Variants in TMEM108 observed in about 807,000 individuals in gnomAD.
TMEM108 encodes the protein transmembrane protein 108, also known as cancer/testis antigen 124.
A neutral mutation model predicts 35.1 loss-of-function variants in TMEM108; 12 were observed. That is an observed-to-expected ratio of 0.34 (90% CI 0.22 to 0.55). The LOEUF is 0.55. Ranked by LOEUF, TMEM108 falls within the 20% of genes least tolerant of loss-of-function variation. The pLI, the probability that TMEM108 is intolerant of heterozygous loss-of-function variation, is 0.89. For missense variants in TMEM108, 680 were observed against 753.3 expected (o/e 0.90, Z 1.14); for synonymous variants, 287 against 308.6 (o/e 0.93, Z 0.73).
intron 3 of TMEM108, among the ~76,000 whole-genome samples, chr3:133,324,981 AAAGAAG>A (rs766788689): frequency 2.0e-5 from 3 of 152,036 alleles, no homozygotes; most frequent in East Asian, 1.9e-4. Context: ...ATCTCAGAAA[AAAGAAG>A]AAGAAGAAGA....
At chr3:133,327,433 A>G (rs1008107171) in intron 3 of TMEM108, among the ~76,000 whole-genome samples, 37 of 152,168 alleles carry the variant, frequency 2.4e-4, no homozygotes, top group African/African-American at 8.7e-4. Flanking sequence ...ACTTTTCCCC[A>G]GGCTGCCCTC....
intron 5 of TMEM108, among the ~76,000 whole-genome samples, chr3:133,394,634 C>T (rs374711466): frequency 6.6e-6 from 1 of 152,218 alleles, no homozygotes; most frequent in African/African-American, 2.4e-5. Context: ...AACCCAAAAG[C>T]ATGGTGGAGG....
chr3:133,127,395 A>G (rs1478629147), intron 2 of TMEM108, among the ~76,000 whole-genome samples: 2 of 152,202 alleles, frequency 1.3e-5, no homozygotes, highest in Non-Finnish European at 2.9e-5. Flanking sequence ...CTTCACTTCC[A>G]CATGTCTCAG....
intron 2 of TMEM108, among the ~76,000 whole-genome samples, chr3:133,135,101 A>G (rs1944545898): frequency 1.3e-5 from 2 of 150,824 alleles, no homozygotes; most frequent in Middle Eastern, 3.5e-3. Flanking sequence ...CCATCTGTTT[A>G]TCAATATCTT....
chr3:133,054,362 A>T (rs531606054), intron 2 of TMEM108, among the ~76,000 whole-genome samples: 1 of 152,156 alleles, frequency 6.6e-6, no homozygotes, highest in Non-Finnish European at 1.5e-5. Flanking sequence ...TCCCATACAG[A>T]TATCTTATTT....
intron 2 of TMEM108, among the ~76,000 whole-genome samples, chr3:133,195,197 G>A (rs778268319): frequency 4.6e-5 from 7 of 152,040 alleles, no homozygotes; most frequent in Non-Finnish European, 1.0e-4. Flanking sequence ...CACATGTATT[G>A]TCTAATGTAA....
intron 2 of TMEM108, among the ~76,000 whole-genome samples, chr3:133,143,128 A>G (rs1944663956): frequency 6.6e-6 from 1 of 152,216 alleles, no homozygotes; most frequent in Non-Finnish European, 1.5e-5. Context: ...TTACTGGTTC[A>G]TACCCAGAGC....
At chr3:133,303,763 A>G (rs1341957817) in intron 3 of TMEM108, among the ~76,000 whole-genome samples, 1 of 152,228 alleles carries the variant, frequency 6.6e-6, no homozygotes, top group Non-Finnish European at 1.5e-5. Flanking sequence ...TATCATAACA[A>G]GATATCAAAT....
chr3:133,122,648 G>C (rs1029635337), intron 2 of TMEM108, among the ~76,000 whole-genome samples: 1 of 152,108 alleles, frequency 6.6e-6, no homozygotes, highest in East Asian at 1.9e-4. Flanking sequence ...GACGGATCGA[G>C]GTCAGGAGAT....
chr3:133,296,127 A>G (rs1174276134), intron 3 of TMEM108, among the ~76,000 whole-genome samples: 1 of 152,220 alleles, frequency 6.6e-6, no homozygotes, highest in African/African-American at 2.4e-5. Flanking sequence ...GTCTAGTTCA[A>G]ACATTAGGAA....
chr3:133,350,892 AACCAGAGCCAC>A (rs1425192623), intron 3 of TMEM108, among the ~76,000 whole-genome samples: 1 of 152,172 alleles, frequency 6.6e-6, no homozygotes, highest in Non-Finnish European at 1.5e-5. Flanking sequence ...AAGTATCAGT[AACCAGAGCCAC>A]ACCCTCCAGG....
At chr3:133,086,320 A>G (rs974106651) in intron 2 of TMEM108, among the ~76,000 whole-genome samples, 2 of 151,478 alleles carry the variant, frequency 1.3e-5, no homozygotes, top group Non-Finnish European at 2.9e-5. Context: ...TTCTTTTGCC[A>G]TCTGTAAAGT....
At chr3:133,160,467 C>A (rs1369412331) in intron 2 of TMEM108, among the ~76,000 whole-genome samples, 1 of 152,164 alleles carries the variant, frequency 6.6e-6, no homozygotes, top group Non-Finnish European at 1.5e-5. Flanking sequence ...ATCACTGAGT[C>A]CTAGGACTCA....
Position 133,077,243 on chromosome 3 carries a change from A to G in TMEM108, c.-47+31223A>G, listed in dbSNP as rs1943753237. Among the ~76,000 whole-genome samples, 7 of 151,712 alleles carry G rather than the reference A, an allele frequency of 4.6e-5. No individual in the cohort carries two copies. The South Asian group carries it at 1.3e-3, about 27-fold the overall frequency. ...ATAAATTGTTGCAAACAATACTCCT[A>G]AAGTCTTGGGCTTTATTTTTGCAGA... On this transcript the variant is annotated intron_variant, in intron 2 of 5. Coordinates refer to ENST00000321871, the MANE Select transcript of TMEM108 (RefSeq NM_023943.4).
rs1427602554 is a variant in TMEM108 at position 133,046,505 on chromosome 3, G to T, written c.-47+485G>T. On this transcript the variant is annotated intron_variant, in intron 2 of 5. Coordinates refer to ENST00000321871, the MANE Select transcript of TMEM108 (RefSeq NM_023943.4). ...TCAAAGTGTTGAAAATTCCAGATTT[G>T]GTGTATAATAGCACTAGCAAAGTAC... 3.3e-5 allele frequency among the ~76,000 whole-genome samples: 5 copies of T among 152,258 alleles called. No individual in the cohort carries two copies. The East Asian group carries it at 9.6e-4, about 29-fold the overall frequency.
chr3:133,241,215 C>T (rs1324153830), intron 3 of TMEM108, among the ~76,000 whole-genome samples: 3 of 152,206 alleles, frequency 2.0e-5, no homozygotes, highest in Admixed American at 1.3e-4. Flanking sequence ...TAATCATTGC[C>T]TTTATATATG....
intron 2 of TMEM108, among the ~76,000 whole-genome samples, chr3:133,082,997 G>T (rs972486202): frequency 6.6e-6 from 1 of 151,888 alleles, no homozygotes; most frequent in Admixed American, 6.6e-5. Flanking sequence ...CCCACTATAC[G>T]TCTAAAACAG....
intron 2 of TMEM108, among the ~76,000 whole-genome samples, chr3:133,210,532 A>G (rs1159419700): frequency 2.6e-5 from 4 of 152,142 alleles, no homozygotes; most frequent in Non-Finnish European, 5.9e-5. Flanking sequence ...GATTCTGGCC[A>G]TCAGCTAGTT....
chr3:133,106,931 G>A (rs13089128), intron 2 of TMEM108, among the ~76,000 whole-genome samples: 15,259 of 152,226 alleles, frequency 0.1, 963 homozygotes, highest in Admixed American at 0.17. Context: ...TTGTTGTTTT[G>A]AGCCATTGTG....
Sources: gnomAD v4.1 joint callset for allele counts (sites outside exome capture counted in the v4.1 genomes callset) on GRCh38, gnomAD v4.1.1 for gene constraint, MANE v1.5 for transcripts, NCBI Gene and HGNC (gene_info 2026-07-23, HGNC 2026-07-21) for gene names.